Variants in LMOD1 observed in about 807,000 individuals in gnomAD.
LMOD1 encodes leiomodin 1.
LMOD1 carries 8 observed loss-of-function variants against 36.5 expected under a neutral mutation model. That is an observed-to-expected ratio of 0.22 (90% confidence interval 0.13 to 0.40). The LOEUF (loss-of-function observed/expected upper bound fraction) is 0.40, where lower values mean the gene tolerates loss of function less well. LMOD1 is among the 10% of genes least tolerant of loss of function. LMOD1 has a pLI of 1.00. For missense variants in LMOD1, 630 were observed against 751.1 expected (o/e 0.84, Z 1.88); for synonymous variants, 284 against 288.7 (o/e 0.98, Z 0.17).
At chr1:201,898,799 A>G (rs1001374243) in intron 2 of LMOD1, among the ~76,000 whole-genome samples, 1 of 152,210 alleles carries the variant, frequency 6.6e-6, no homozygotes, top group African/African-American at 2.4e-5. Flanking sequence ...TGAATCTCCC[A>G]GAGACCTTTC....
chr1:201,905,519 G>A (rs1681397594), intron 1 of LMOD1, among the ~76,000 whole-genome samples: 1 of 152,228 alleles, frequency 6.6e-6, no homozygotes, highest in Non-Finnish European at 1.5e-5. Flanking sequence ...AGAGGAAAAG[G>A]ATTATTTGTC....
At chr1:201,931,280 A>G (rs1558242288) in intron 1 of LMOD1, among the ~76,000 whole-genome samples, 3 of 152,258 alleles carry the variant, frequency 2.0e-5, no homozygotes, top group Non-Finnish European at 2.9e-5. Flanking sequence ...CACGCCTGTA[A>G]TTCCAACACT....
At chr1:201,933,605 A>G (rs1275122462) in intron 1 of LMOD1, among the ~76,000 whole-genome samples, 1 of 14,380 alleles carries the variant, frequency 7.0e-5, no homozygotes, top group African/African-American at 9.8e-5. Flanking sequence ...TTATATATAT[A>G]TATATATATA....
rs1219442412 is a variant in LMOD1 at position 201,899,142 on chromosome 1, T to C, written c.1776+95A>G. 5.2e-6 allele frequency: 6 copies of C among 1,162,976 alleles called. No individual in the cohort carries two copies. In the East Asian group the frequency reaches 1.5e-4, roughly 30 times the overall value. 72.0% of individuals were successfully genotyped at this position (1,162,976 alleles called of 1,614,324 possible). The stretch of plus-strand genomic sequence containing the variant: ...GAGTCTATATCATCTGCAGCCGACA[T>C]AAGCTCCTCTGCATGCCTTCCCTTT... On this transcript the variant is annotated intron_variant, in intron 2 of 2. Transcript: ENST00000367288. This position sits in a 1 kb window ranked among gnomAD's most constrained non-coding sequence, Gnocchi z 6.3.
At chr1:201,942,674 CTTTT>C (rs201638308) in intron 1 of LMOD1, among the ~76,000 whole-genome samples, 1 of 144,880 alleles carries the variant, frequency 6.9e-6, no homozygotes, top group African/African-American at 2.5e-5. Flanking sequence ...TTCTTTCTTT[CTTTT>C]TTTTTTTTAA....
chr1:201,918,944 G>A (rs1681652731), intron 1 of LMOD1, among the ~76,000 whole-genome samples: 1 of 152,220 alleles, frequency 6.6e-6, no homozygotes, highest in South Asian at 2.1e-4. Flanking sequence ...CCAGGCTGGA[G>A]TGTAGTGGTA....
At chr1:201,915,349 C>T (rs1197629516) in intron 1 of LMOD1, among the ~76,000 whole-genome samples, 1 of 152,170 alleles carries the variant, frequency 6.6e-6, no homozygotes, top group Non-Finnish European at 1.5e-5. Context: ...CAGCTGCATT[C>T]TACGTACTGA....
At chr1:201,927,588 C>CAAA (rs72255474) in intron 1 of LMOD1, among the ~76,000 whole-genome samples, 16 of 137,950 alleles carry the variant, frequency 1.2e-4, no homozygotes, top group South Asian at 9.3e-4. Context: ...ACAAAAAAAA[C>CAAA]AAAAAAAAAA....
At chr1:201,940,718 G>A (rs1163636276) in intron 1 of LMOD1, among the ~76,000 whole-genome samples, 1 of 150,500 alleles carries the variant, frequency 6.6e-6, no homozygotes, top group African/African-American at 2.5e-5. Context: ...CCAAGTAGCT[G>A]GACTACAGGC....
At chr1:201,907,588 G>A (rs1681431858) in intron 1 of LMOD1, among the ~76,000 whole-genome samples, 1 of 152,224 alleles carries the variant, frequency 6.6e-6, no homozygotes, top group Non-Finnish European at 1.5e-5. Context: ...AGACCTGCCT[G>A]GAGGGCTACA....
In LMOD1 at chr1:201,899,607, C is replaced by T. The variant is rs747065989; in HGVS notation, c.1406G>A (p.Arg469His). 10 of 1,612,302 alleles carry T rather than the reference C, an allele frequency of 6.2e-6. No individual in the cohort carries two copies. Among genetic ancestry groups the T allele is most frequent in the African/African-American group, 2.7e-5 (2 of 74,906 alleles). The change falls in exon 2 of 3, where the codon CGC (arginine) becomes CAC (histidine). Residue 469 changes from arginine (R) to histidine (H), a missense_variant. Arg to His is a conservative substitution (Grantham distance 29). Around this residue, in one of 3 missense-constraint regions of LMOD1, gnomAD observed 144 missense variants for 169.8 expected, o/e 0.85. Coordinates refer to ENST00000367288, the MANE Select transcript of LMOD1 (RefSeq NM_012134.3). The surrounding 1 kb of genome is among the most constrained non-coding windows in gnomAD (Gnocchi z 6.3). ...CTTTTGTCTCTGCTTGTCCATGTTG[C>T]GGCTGAGCAGATTGGTGACAGTCAT... ...PRMTVTNLLSRNMDKQRQKRL... is the reference protein window; with the variant it reads ...PRMTVTNLLSHNMDKQRQKRL...
Position 201,900,646 on chromosome 1 carries a change from T to A in LMOD1, c.367A>T (p.Lys123Ter). 1 of 1,613,914 alleles carries A rather than the reference T, an allele frequency of 6.2e-7. No individual in the cohort carries two copies. Among genetic ancestry groups the A allele is most frequent in the Non-Finnish European group, 8.5e-7 (1 of 1,179,882 alleles). The part of the protein sequence containing the change: ...LGPRRDSDLG[K>*]EPKRGGLKKS... The stretch of plus-strand genomic sequence containing the variant: ...TTTAAACCACCCCTCTTTGGCTCCT[T>A]CCCCAGATCTGAGTCCCGTCTGGGG... The change falls in exon 2 of 3, where the codon AAG (lysine) becomes TAG (stop). Residue 123 changes from lysine to a stop codon, truncating the protein, a stop_gained. Transcript: ENST00000367288. LOFTEE classifies it high-confidence loss of function.
chr1:201,923,422 T>C (rs186768557), intron 1 of LMOD1, among the ~76,000 whole-genome samples: 349 of 152,148 alleles, frequency 2.3e-3, no homozygotes, highest in African/African-American at 6.1e-3. Flanking sequence ...CAACTTGAGG[T>C]CAAAAGAAAG....
chr1:201,911,035 G>T (rs1423162618), intron 1 of LMOD1, among the ~76,000 whole-genome samples: 1 of 152,114 alleles, frequency 6.6e-6, no homozygotes, highest in Non-Finnish European at 1.5e-5. Flanking sequence ...CACGGTCACA[G>T]TGATACACTA....
intron 1 of LMOD1, among the ~76,000 whole-genome samples, chr1:201,918,649 TG>T (rs1558238476): frequency 1.3e-5 from 2 of 152,236 alleles, no homozygotes; most frequent in Admixed American, 6.5e-5. Context: ...CTTCTCTGCC[TG>T]GCTAACACTT....
rs987526464 is a variant in LMOD1 at position 201,902,435 on chromosome 1, GT to G, written c.262-1685del. ...AGTTGAGCTGTGATGGGGGCTTGAG[GT>G]TTTTTTTGGTTTGTTTGTTTGTTTG... On this transcript the variant is annotated intron_variant, in intron 1 of 2. Transcript: ENST00000367288. 2.2e-5 allele frequency among the ~76,000 whole-genome samples: 3 copies of G among 138,554 alleles called. No individual in the cohort carries two copies. The East Asian group carries it at 6.1e-4, about 28-fold the overall frequency. 90.9% of individuals were successfully genotyped at this position (138,554 alleles called of 152,430 possible). A position where few individuals can be genotyped will look rare whatever the true frequency, so the allele number is the denominator to read the frequency against.
In LMOD1 at chr1:201,899,804, G is replaced by A. The variant is rs374003282; in HGVS notation, c.1209C>T (p.Gly403=). 10 of 1,613,912 alleles carry A rather than the reference G, an allele frequency of 6.2e-6. No individual in the cohort carries two copies. The African/African-American group carries it at 1.2e-4, about 19-fold the overall frequency. ...NLDSNHITGK[G]ILAIFRALLQ... is the part of the protein sequence containing the mutation. ...GGAGGGCCCGGAAGATGGCCAGGAT[G>A]CCTTTGCCTGTGATGTGGTTGGAGT... Residue 403 remains glycine (G), a synonymous_variant, in exon 2 of 3, where the codon GGC becomes GGT. Coordinates refer to ENST00000367288, the MANE Select transcript of LMOD1 (RefSeq NM_012134.3). This position sits in a 1 kb window ranked among gnomAD's most constrained non-coding sequence, Gnocchi z 6.3.
intron 1 of LMOD1, among the ~76,000 whole-genome samples, chr1:201,921,576 G>A (rs138925607): frequency 4.0e-5 from 6 of 150,754 alleles, no homozygotes; most frequent in African/African-American, 1.2e-4. Flanking sequence ...TGGTGTATAC[G>A]TAGCAATGAA....
intron 1 of LMOD1, among the ~76,000 whole-genome samples, chr1:201,924,674 AAAG>A (rs1681790009): frequency 7.8e-5 from 1 of 12,772 alleles, no homozygotes; most frequent in East Asian, 3.4e-3. Context: ...AAAAAGAAAG[AAAG>A]AAAGAAAGAA....
Sources: gnomAD v4.1 joint callset for allele counts (sites outside exome capture counted in the v4.1 genomes callset) on GRCh38, gnomAD v4.1.1 for gene constraint, gnomAD v4.1.1 regional missense constraint, Gnocchi (gnomAD v3.1) non-coding constraint, MANE v1.5 for transcripts, NCBI Gene and HGNC (gene_info 2026-07-23, HGNC 2026-07-21) for gene names.